Variants in API5 observed in about 807,000 individuals in gnomAD.
API5 encodes the protein FIF.
A neutral mutation model predicts 71.9 loss-of-function variants in API5; 6 were observed. The ratio of observed to expected loss-of-function variants is 0.08; its 90% CI spans 0.05 to 0.16. The LOEUF (loss-of-function observed/expected upper bound fraction) is 0.16, where lower values mean the gene tolerates loss of function less well. API5 is among the 10% of genes least tolerant of loss of function. The pLI is 1.00. For missense variants in API5, 332 were observed against 612.8 expected, an observed-to-expected ratio of 0.54 and a Z score of 4.84; for synonymous variants, 189 against 221.3, an observed-to-expected ratio of 0.85 and a Z score of 1.30.
In API5 at chr11:43,344,428, T is replaced by G. The variant is rs1220243351; in HGVS notation, c.*1918T>G. 2.0e-5 allele frequency: 3 copies of G among 152,644 alleles called. No individual in the cohort carries two copies. The highest frequency in any genetic ancestry group is 4.4e-5 in the Non-Finnish European group (3 of 68,028). 9.5% of individuals were successfully genotyped at this position (152,644 alleles called of 1,614,324 possible). On this transcript the variant is annotated 3_prime_UTR_variant, in exon 14 of 14. Transcript: ENST00000531273. Reference sequence around the variant, plus strand: ...TGCTTCCGAATTTGAATGAAAAACTTAATGCCATGGATTTTTTTCTTTTGC... The same window carrying G: ...TGCTTCCGAATTTGAATGAAAAACTGAATGCCATGGATTTTTTTCTTTTGC...
intron 7 of API5, 50 bp downstream of exon 7, chr11:43,326,661 A>C (rs891760289): frequency 9.5e-7 from 1 of 1,054,610 alleles, no homozygotes; most frequent in African/African-American, 1.6e-5. Flanking sequence ...TTATATTTTA[A>C]CAAAAATGTA....
chr11:43,330,588 A>G (rs1175399820), intron 11 of API5, 24 bp downstream of exon 11: 1 of 1,499,558 alleles, frequency 6.7e-7, no homozygotes, highest in Non-Finnish European at 9.2e-7. Context: ...ACCAAGTGAC[A>G]TTTCTGCAGT....
In API5 at chr11:43,343,980, A is replaced by G. The variant is rs572770695; in HGVS notation, c.*1470A>G. On this transcript the variant is annotated 3_prime_UTR_variant, in exon 14 of 14. Coordinates refer to ENST00000531273, the MANE Select transcript of API5 (RefSeq NM_001142930.2). The stretch of plus-strand genomic sequence containing the variant: ...AATTACTGCACATGTGTATGGGGAA[A>G]ATAGTTCTGAAAGGCTAGAATGATA... 19 of 152,774 alleles carry G rather than the reference A, an allele frequency of 1.2e-4. No individual in the cohort carries two copies. Among genetic ancestry groups the G allele is most frequent in the African/African-American group, 4.6e-4 (19 of 41,590 alleles). 9.5% of individuals were successfully genotyped at this position (152,774 alleles called of 1,614,324 possible). A position where few individuals can be genotyped will look rare whatever the true frequency, so the allele number is the denominator to read the frequency against.
intron 5 of API5, among the ~76,000 whole-genome samples, chr11:43,322,640 C>T (rs1395406720): frequency 6.6e-6 from 1 of 152,190 alleles, no homozygotes; most frequent in Admixed American, 6.5e-5. Context: ...ATTAACTTTT[C>T]ACTCATCTTA....
chr11:43,321,925 T>C, intron 4 of API5, 60 bp from the exon 5 acceptor site: 1 of 1,474,950 alleles, frequency 6.8e-7, no homozygotes. Context: ...TTGAGTTAAA[T>C]GGGAAAACAC....
chr11:43,340,942 TAAA>T (rs1313436830), intron 13 of API5, among the ~76,000 whole-genome samples: 1 of 152,102 alleles, frequency 6.6e-6, no homozygotes, highest in Non-Finnish European at 1.5e-5. Flanking sequence ...CATATCAAAT[TAAA>T]AAGCTTCTGT....
chr11:43,315,386 T>C (rs1438029489), intron 1 of API5, among the ~76,000 whole-genome samples: 6 of 152,170 alleles, frequency 3.9e-5, no homozygotes, highest in Admixed American at 3.9e-4. Context: ...AATCCTTTTA[T>C]GTATTTATTT....
intron 11 of API5, among the ~76,000 whole-genome samples, chr11:43,334,994 C>A (rs1316963143): frequency 1.3e-5 from 2 of 152,032 alleles, no homozygotes; most frequent in East Asian, 3.8e-4. Context: ...TATTTGCTGA[C>A]TTTGTTTATT....
chr11:43,342,597 A>G lies in API5; in HGVS notation c.*87A>G, dbSNP rs749048132. 2.6e-5 allele frequency: 35 copies of G among 1,348,634 alleles called. No homozygotes were observed. The highest frequency in any genetic ancestry group is 3.5e-5 in the Non-Finnish European group (33 of 951,004). The allele number at this position is 1,348,634 out of a possible 1,614,324, so 83.5% of individuals were successfully genotyped here. A position where few individuals can be genotyped will look rare whatever the true frequency, so the allele number is the denominator to read the frequency against. ...TTGGATTGCCGGGGATGTCCCTTTA[A>G]ACAGACTGCTGCCTTCAGCTAAAAA... On this transcript the variant is annotated 3_prime_UTR_variant, in exon 14 of 14. Coordinates refer to ENST00000531273, the MANE Select transcript of API5 (RefSeq NM_001142930.2).
At chr11:43,325,541 C>T (rs972753400) in intron 6 of API5, among the ~76,000 whole-genome samples, 5 of 152,190 alleles carry the variant, frequency 3.3e-5, no homozygotes, top group African/African-American at 1.2e-4. Context: ...TCAGTTGGTT[C>T]AGCTTATTCA....
Position 43,320,862 on chromosome 11 carries a change from T to C in API5, c.273T>C (p.Thr91=). Residue 91 remains threonine, a synonymous_variant, in exon 3 of 14, where the codon ACT becomes ACC. Transcript: ENST00000531273. ...QAIKELPQFA[T]GENLPRVADI... Reference sequence around the variant, plus strand: ...TTAAAGAACTGCCTCAATTTGCCACTGGAGAAAATCTTCCTCGAGTGGCAG... The same window carrying C: ...TTAAAGAACTGCCTCAATTTGCCACCGGAGAAAATCTTCCTCGAGTGGCAG... 1 of 1,612,180 alleles carries C rather than the reference T, an allele frequency of 6.2e-7. No individual in the cohort carries two copies. Among genetic ancestry groups the C allele is most frequent in the Non-Finnish European group, 8.5e-7 (1 of 1,180,010 alleles).
In API5 at chr11:43,326,055, T is replaced by C. The variant is rs1157765543; in HGVS notation, c.751-452T>C. Among the ~76,000 whole-genome samples, 8 of 152,186 alleles carry C rather than the reference T, an allele frequency of 5.3e-5. 1 individual carries two copies. Among genetic ancestry groups the C allele is most frequent in the African/African-American group, 1.2e-4 (5 of 41,444 alleles). On this transcript the variant is annotated intron_variant, in intron 6 of 13. Coordinates refer to ENST00000531273, the MANE Select transcript of API5 (RefSeq NM_001142930.2). ...AGTTTTGATGAGGAATCATTAGGCATCCACCTTAAAGTCCTTATTTGGGCC... is the reference window on the plus strand; with the variant it reads ...AGTTTTGATGAGGAATCATTAGGCACCCACCTTAAAGTCCTTATTTGGGCC...
chr11:43,312,597 TG>T (rs1391009345), intron 1 of API5, among the ~76,000 whole-genome samples: 3 of 152,114 alleles, frequency 2.0e-5, no homozygotes, highest in Middle Eastern at 3.4e-3. Flanking sequence ...GTGTTTTTTT[TG>T]GGGGGGAGGC....
chr11:43,326,388 GTA>G (rs1338784349), intron 6 of API5, 117 bp from the exon 7 acceptor site: 1 of 650,240 alleles, frequency 1.5e-6, no homozygotes, highest in African/African-American at 1.8e-5. Flanking sequence ...GCACTATATC[GTA>G]TTTGTAGTCA....
In API5 at chr11:43,330,068, C is replaced by T. The variant is rs1416904373; in HGVS notation, c.1221+10C>T. 6.2e-7 allele frequency: 1 copy of T among 1,605,522 alleles called. No individual in the cohort carries two copies. The highest frequency in any genetic ancestry group is 8.5e-7 in the Non-Finnish European group (1 of 1,172,608). ...CTTAAAAACAGAAGAGGTAAGAATA[C>T]TGGCTCACATTTCATAAACTGCTAG... On this transcript the variant is annotated intron_variant, in intron 10 of 13. Transcript: ENST00000531273.
At chr11:43,331,678 A>G (rs1227744081) in intron 11 of API5, among the ~76,000 whole-genome samples, 2 of 152,172 alleles carry the variant, frequency 1.3e-5, no homozygotes, top group Non-Finnish European at 2.9e-5. Context: ...ATCTGCGTAT[A>G]AGTGAGACCA....
intron 7 of API5, 90 bp downstream of exon 7, chr11:43,326,701 G>T (rs1855088035): frequency 2.6e-6 from 2 of 762,228 alleles, no homozygotes; most frequent in South Asian, 1.7e-5. Context: ...ATTTCTAAGG[G>T]AGCAGTTTAA....
Position 43,343,215 on chromosome 11 carries a change from T to A in API5, c.*705T>A, listed in dbSNP as rs560803947. ...ATATATGTGTGTGTGTGTGTGTATA[T>A]ATATATATATGCATGCTGTGAAACT... On this transcript the variant is annotated 3_prime_UTR_variant, in exon 14 of 14. Transcript: ENST00000531273. 4 of 152,638 alleles carry A rather than the reference T, an allele frequency of 2.6e-5. No homozygotes were observed. Among genetic ancestry groups the A allele is most frequent in the Non-Finnish European group, 4.4e-5 (3 of 68,006 alleles). 9.5% of individuals were successfully genotyped at this position (152,638 alleles called of 1,614,324 possible).
chr11:43,323,518 A>C lies in API5; in HGVS notation c.632A>C (p.Gln211Pro). ...AGCTTACAGACAGTGAGTGGAAGAC[A>C]GCAACTTGTAGAGTTGGTGGCTGAA... ...LKSLQTVSGR[Q>P]QLVELVAEQA... The change falls in exon 6 of 14, where the codon CAG becomes CCG. Residue 211 changes from glutamine (Q) to proline (P), a missense_variant. Coordinates refer to ENST00000531273, the MANE Select transcript of API5 (RefSeq NM_001142930.2). 6.2e-7 allele frequency: 1 copy of C among 1,614,194 alleles called. No homozygotes were observed. Among genetic ancestry groups the C allele is most frequent in the Non-Finnish European group, 8.5e-7 (1 of 1,180,026 alleles).
Sources: allele counts gnomAD v4.1 joint callset (sites outside exome capture counted in the v4.1 genomes callset), GRCh38; gene constraint gnomAD v4.1.1; transcripts MANE v1.5; gene names NCBI Gene and HGNC (gene_info 2026-07-23, HGNC 2026-07-21).